ZBBX: variants seen among roughly 807,000 people sequenced by gnomAD.
ZBBX encodes the protein zinc finger B-box domain-containing protein 1.
ZBBX carries 101 observed loss-of-function variants against 108.5 expected under a neutral mutation model. The observed-to-expected ratio is 0.93, with a 90% CI of 0.79 to 1.10. The LOEUF (loss-of-function observed/expected upper bound fraction) is 1.10. Among genes scored for constraint, ZBBX ranks in the 50% least tolerant of loss-of-function variants. ZBBX has a pLI of 0.00. For missense variants in ZBBX, 1,009 were observed against 941.4 expected (o/e 1.07, Z -0.94); for synonymous variants, 356 against 323.4 (o/e 1.10, Z -1.08).
At position 167,368,454 on chromosome 3, in the gene ZBBX, C is replaced by G; in HGVS notation, c.182+7G>C. ...TTCATCTAAAATTCTCTAAGAGTTTCACTCACTCTCTATCTTCCTTTTCTT... is the reference window on the plus strand; with the variant it reads ...TTCATCTAAAATTCTCTAAGAGTTTGACTCACTCTCTATCTTCCTTTTCTT... On this transcript the variant is annotated splice_region_variant and intron_variant, in intron 5 of 21. Coordinates refer to ENST00000675490, the MANE Select transcript of ZBBX (RefSeq NM_001199201.2). 6 of 1,581,816 alleles carry G rather than the reference C, an allele frequency of 3.8e-6. No homozygotes were observed. Among genetic ancestry groups the G allele is most frequent in the Non-Finnish European group, 5.2e-6 (6 of 1,151,946 alleles).
At chr3:167,281,861 T>C (rs1728867327) in intron 20 of ZBBX, among the ~76,000 whole-genome samples, 1 of 152,172 alleles carries the variant, frequency 6.6e-6, no homozygotes, top group South Asian at 2.1e-4. Context: ...CTTTAAAAGA[T>C]CTAATGGCTC....
At chr3:167,349,723 G>C (rs1051649242) in intron 9 of ZBBX, among the ~76,000 whole-genome samples, 1 of 151,988 alleles carries the variant, frequency 6.6e-6, no homozygotes, top group Non-Finnish European at 1.5e-5. Context: ...TCACAGCCTA[G>C]CACATACCCT....
intron 9 of ZBBX, among the ~76,000 whole-genome samples, chr3:167,335,768 T>G (rs1739442754): frequency 6.6e-6 from 1 of 151,918 alleles, no homozygotes; most frequent in African/African-American, 2.4e-5. Flanking sequence ...TATTTCATAC[T>G]GAATTAATAA....
In ZBBX at chr3:167,365,154, G is replaced by A. The variant is rs368762834; in HGVS notation, c.273+732C>T. Among the ~76,000 whole-genome samples, 10 of 151,650 alleles carry A rather than the reference G, an allele frequency of 6.6e-5. No individual in the cohort carries two copies. The East Asian group carries it at 1.4e-3, about 21-fold the overall frequency. On this transcript the variant is annotated intron_variant, in intron 6 of 21. Transcript: ENST00000675490. ...AGGGAATGACACCAGAGAATAAAAC[G>A]CTTTCTCAAAGCCAAAAACTTTAGA...
At chr3:167,269,442 A>C (rs1405894641) in intron 20 of ZBBX, among the ~76,000 whole-genome samples, 1 of 152,190 alleles carries the variant, frequency 6.6e-6, no homozygotes, top group Non-Finnish European at 1.5e-5. Flanking sequence ...ATAGTCTTAT[A>C]AGTTAGTCTA....
the ZBBX span, among the ~76,000 whole-genome samples, chr3:167,213,761 T>C: frequency 2.6e-5 from 4 of 152,182 alleles, no homozygotes; most frequent in African/African-American, 9.6e-5. Flanking sequence ...AATGAAAGAA[T>C]GTTATAAAGG....
chr3:167,239,409 G>A (rs1720366958), downstream of ZBBX, among the ~76,000 whole-genome samples: 1 of 151,922 alleles, frequency 6.6e-6, no homozygotes, highest in Non-Finnish European at 1.5e-5. Context: ...TTCTGCCTCT[G>A]TCACTCCTGA....
At chr3:167,293,674 T>C (rs1297625351) in intron 18 of ZBBX, among the ~76,000 whole-genome samples, 2 of 152,110 alleles carry the variant, frequency 1.3e-5, no homozygotes, top group Non-Finnish European at 2.9e-5. Context: ...CTATTCAACA[T>C]AGTATTGGAA....
chr3:167,281,124 C>T (rs1327499157), intron 20 of ZBBX, among the ~76,000 whole-genome samples: 3 of 151,904 alleles, frequency 2.0e-5, no homozygotes, highest in Admixed American at 6.6e-5. Context: ...GTAGGGGGAG[C>T]GATAGCATTG....
chr3:167,330,867 G>GAAGAA (rs1200423370), intron 10 of ZBBX, among the ~76,000 whole-genome samples: 1 of 83,406 alleles, frequency 1.2e-5, no homozygotes. Context: ...AGGAGGAGGA[G>GAAGAA]GAGGAGAAGA....
chr3:167,185,514 T>C, the ZBBX span, among the ~76,000 whole-genome samples: 4 of 152,184 alleles, frequency 2.6e-5, no homozygotes, highest in Non-Finnish European at 5.9e-5. Context: ...GATTTTTCTA[T>C]ATAAATTTTA....
chr3:167,392,198 T>C (rs1748101167), intron 1 of ZBBX, among the ~76,000 whole-genome samples: 1 of 151,892 alleles, frequency 6.6e-6, no homozygotes, highest in Admixed American at 6.6e-5. Flanking sequence ...CATAACATTT[T>C]TGTGATTTAC....
chr3:167,305,590 T>G, intron 17 of ZBBX, 53 bp downstream of exon 17: 2 of 1,321,134 alleles, frequency 1.5e-6, no homozygotes, highest in Non-Finnish European at 2.0e-6. Context: ...TAAGACATTT[T>G]CTTATGAGGT....
At chr3:167,253,643 A>G (rs1419730774) in intron 20 of ZBBX, among the ~76,000 whole-genome samples, 1 of 152,150 alleles carries the variant, frequency 6.6e-6, no homozygotes, top group Non-Finnish European at 1.5e-5. Context: ...CTCCCCAGAA[A>G]AGACTGAGAG....
chr3:167,385,573 C>T (rs529536228), intron 1 of ZBBX, among the ~76,000 whole-genome samples: 5 of 151,792 alleles, frequency 3.3e-5, no homozygotes, highest in Non-Finnish European at 5.9e-5. Flanking sequence ...ACTTTTTGAC[C>T]CTTTTGTAAT....
At chr3:167,392,580 T>C (rs1031275000) in intron 1 of ZBBX, among the ~76,000 whole-genome samples, 2 of 151,818 alleles carry the variant, frequency 1.3e-5, no homozygotes, top group African/African-American at 4.8e-5. Context: ...GATCTGAAAG[T>C]TGCATGATGG....
chr3:167,337,323 A>G (rs142550081), intron 9 of ZBBX, among the ~76,000 whole-genome samples: 1 of 152,126 alleles, frequency 6.6e-6, no homozygotes, highest in East Asian at 1.9e-4. Flanking sequence ...TTCAAGACCA[A>G]CCTGGCTAAA....
the ZBBX span, among the ~76,000 whole-genome samples, chr3:167,181,986 T>A: frequency 6.6e-6 from 1 of 152,162 alleles, no homozygotes; most frequent in African/African-American, 2.4e-5. Flanking sequence ...CTCATGGTGT[T>A]TCCCGAAATT....
intron 18 of ZBBX, among the ~76,000 whole-genome samples, chr3:167,296,715 G>T (rs1731749728): frequency 6.6e-6 from 1 of 151,938 alleles, no homozygotes; most frequent in South Asian, 2.1e-4. Context: ...ATTGCTGAAA[G>T]AAATTAAAGA....
Sources: allele counts gnomAD v4.1 joint callset (sites outside exome capture counted in the v4.1 genomes callset), GRCh38; gene constraint gnomAD v4.1.1; transcripts MANE v1.5; gene names NCBI Gene and HGNC (gene_info 2026-07-23, HGNC 2026-07-21).